PRKCB: variants seen among roughly 807,000 people sequenced by gnomAD.
PRKCB encodes the protein protein kinase C beta type.
PRKCB carries 13 observed loss-of-function variants against 81.5 expected under a neutral mutation model. That is an observed-to-expected ratio of 0.16 (90% CI 0.10 to 0.25). PRKCB has a LOEUF of 0.25. Ranked by LOEUF, PRKCB falls within the 10% of genes least tolerant of loss-of-function variation. The pLI, the probability that PRKCB is intolerant of heterozygous loss-of-function variation, is 1.00. For missense variants in PRKCB, 509 were observed against 875.7 expected, an observed-to-expected ratio of 0.58 and a Z score of 5.29; for synonymous variants, 335 against 321.4, an observed-to-expected ratio of 1.04 and a Z score of -0.45.
chr16:24,008,940 A>G (rs1052152307), intron 3 of PRKCB, among the ~76,000 whole-genome samples: 2 of 152,090 alleles, frequency 1.3e-5, no homozygotes, highest in Non-Finnish European at 2.9e-5. Context: ...CGTAAGTGGA[A>G]TCATCTAGTA....
intron 3 of PRKCB, among the ~76,000 whole-genome samples, chr16:24,023,333 A>AAG (rs1420320590): frequency 6.6e-6 from 1 of 152,228 alleles, no homozygotes; most frequent in Admixed American, 6.5e-5. Flanking sequence ...CATCAAGGCT[A>AAG]GGAAGGGAAT....
At chr16:23,915,374 A>G (rs901881165) in intron 2 of PRKCB, among the ~76,000 whole-genome samples, 2 of 152,210 alleles carry the variant, frequency 1.3e-5, no homozygotes, top group Admixed American at 1.3e-4. Flanking sequence ...TTGCCCCGGA[A>G]GGAGTGAACT....
At chr16:23,925,740 A>G (rs184495197) in intron 2 of PRKCB, among the ~76,000 whole-genome samples, 31 of 152,154 alleles carry the variant, frequency 2.0e-4, no homozygotes, top group African/African-American at 7.2e-4. Context: ...CAGATAGGGT[A>G]CCCTGTACTC....
chr16:24,177,148 C>G (rs528537166), intron 12 of PRKCB, among the ~76,000 whole-genome samples: 1 of 152,258 alleles, frequency 6.6e-6, no homozygotes, highest in Admixed American at 6.5e-5. Flanking sequence ...AATCCACTCC[C>G]ATTGTAGGAA....
chr16:24,004,772 A>G (rs964739884), intron 3 of PRKCB, among the ~76,000 whole-genome samples: 3 of 152,220 alleles, frequency 2.0e-5, no homozygotes, highest in African/African-American at 4.8e-5. Flanking sequence ...TTCCATACAT[A>G]TCCAGAGCTT....
At position 24,198,406 on chromosome 16, in the gene PRKCB, C is replaced by T. The variant is rs528176311; in HGVS notation, c.1863+7176C>T. On this transcript the variant is annotated intron_variant, in intron 16 of 16. Transcript: ENST00000643927. ...TGAGCCCAGGGTACAAGGATTCAGC[C>T]GCCTCAGAAGACAACCCAGGTAGCA... is the stretch of plus-strand genomic sequence containing the variant. Among the ~76,000 whole-genome samples the T allele has an allele frequency of 2.0e-5, 3 of 152,256 alleles. No homozygotes were observed. The South Asian group carries it at 6.2e-4, about 32-fold the overall frequency.
chr16:24,076,989 G>A (rs956966396), intron 5 of PRKCB, among the ~76,000 whole-genome samples: 13 of 152,162 alleles, frequency 8.5e-5, no homozygotes, highest in Admixed American at 6.5e-4. Flanking sequence ...GCTCTCTCCT[G>A]AGGCAGCTCT....
chr16:23,915,871 A>C (rs75204599), intron 2 of PRKCB, among the ~76,000 whole-genome samples: 3,206 of 152,118 alleles, frequency 0.021, 43 homozygotes, highest in Middle Eastern at 0.085. Flanking sequence ...GATCGTTAAC[A>C]TTCCTGTTTA....
At position 24,078,229 on chromosome 16, in the gene PRKCB, G is replaced by T. The variant is rs145220937; in HGVS notation, c.530-14562G>T. Among the ~76,000 whole-genome samples, 564 of 152,298 alleles carry T rather than the reference G, an allele frequency of 3.7e-3. 1 individual carries two copies. The highest frequency in any genetic ancestry group is 0.013 in the African/African-American group (520 of 41,572). Reference sequence around the variant, plus strand: ...AGCACCCAGAGCCATGTCTGCAGCCGCTGCAGCGTGGGAGAGGGGGCTGTT... The same window carrying T: ...AGCACCCAGAGCCATGTCTGCAGCCTCTGCAGCGTGGGAGAGGGGGCTGTT... On this transcript the variant is annotated intron_variant, in intron 5 of 16. Transcript: ENST00000643927.
Position 24,172,423 on chromosome 16 carries a change from T to G in PRKCB, c.1331+62T>G, listed in dbSNP as rs575589443. On this transcript the variant is annotated intron_variant, in intron 11 of 16. Transcript: ENST00000643927. ...TAAATGGGTAGGTTAGTGGTTCCTT[T>G]GAGGGTGTTTTTTTGCCAAAGAGGG... 608 of 1,459,568 alleles carry G rather than the reference T, an allele frequency of 4.2e-4. 8 individuals are homozygous for G. The South Asian group carries it at 6.8e-3, about 16-fold the overall frequency. 90.4% of individuals were successfully genotyped at this position (1,459,568 alleles called of 1,614,324 possible). A position where few individuals can be genotyped will look rare whatever the true frequency, so the allele number is the denominator to read the frequency against.
intron 2 of PRKCB, among the ~76,000 whole-genome samples, chr16:23,854,451 G>A (rs185121091): frequency 1.3e-5 from 2 of 152,306 alleles, no homozygotes; most frequent in East Asian, 3.9e-4. Context: ...TCTGGGCAGG[G>A]ATTGGCTGTT....
At chr16:24,109,080 G>C (rs1797415790) in intron 7 of PRKCB, among the ~76,000 whole-genome samples, 1 of 144,974 alleles carries the variant, frequency 6.9e-6, no homozygotes, top group Non-Finnish European at 1.5e-5. Flanking sequence ...GGGCAGAGGG[G>C]CTCCTCACTT....
chr16:23,837,496 A>G, intron 2 of PRKCB, 90 bp downstream of exon 2: 1 of 1,498,902 alleles, frequency 6.7e-7, no homozygotes, highest in Non-Finnish European at 9.1e-7. Flanking sequence ...GCAGAGAGTG[A>G]AAGAATCACG....
At chr16:23,857,603 C>T (rs1367744837) in intron 2 of PRKCB, among the ~76,000 whole-genome samples, 1 of 152,068 alleles carries the variant, frequency 6.6e-6, no homozygotes, top group Non-Finnish European at 1.5e-5. Flanking sequence ...ATTTGGGGCC[C>T]AAGGGCCATA....
chr16:23,854,134 G>T (rs1424264313), intron 2 of PRKCB, among the ~76,000 whole-genome samples: 3 of 151,498 alleles, frequency 2.0e-5, no homozygotes, highest in Non-Finnish European at 4.4e-5. Context: ...GACACATGGG[G>T]ATTATGAGAG....
intron 13 of PRKCB, among the ~76,000 whole-genome samples, chr16:24,181,301 T>C (rs943616826): frequency 6.6e-6 from 1 of 152,212 alleles, no homozygotes; most frequent in African/African-American, 2.4e-5. Flanking sequence ...GCATATGACA[T>C]GGGATCTGTG....
At chr16:24,162,042 T>A (rs944947209) in intron 10 of PRKCB, among the ~76,000 whole-genome samples, 3 of 151,152 alleles carry the variant, frequency 2.0e-5, no homozygotes, top group Non-Finnish European at 3.0e-5. Flanking sequence ...TTTTTTTTTT[T>A]AAATAGAATT....
intron 9 of PRKCB, among the ~76,000 whole-genome samples, chr16:24,134,620 ATGCC>A (rs1246679359): frequency 1.3e-5 from 2 of 152,146 alleles, no homozygotes; most frequent in African/African-American, 4.8e-5. Context: ...GTGGTGGCGC[ATGCC>A]TGTAATCCCA....
At chr16:24,013,817 C>T (rs563142496) in intron 3 of PRKCB, among the ~76,000 whole-genome samples, 43 of 150,300 alleles carry the variant, frequency 2.9e-4, no homozygotes, top group African/African-American at 9.0e-4. Flanking sequence ...CAGAGTTGGC[C>T]TGCACAGAAT....
Sources: gnomAD v4.1 joint callset for allele counts (sites outside exome capture counted in the v4.1 genomes callset) on GRCh38, gnomAD v4.1.1 for gene constraint, MANE v1.5 for transcripts, NCBI Gene and HGNC (gene_info 2026-07-23, HGNC 2026-07-21) for gene names.